The following NAV2 variants were observed in gnomAD, a reference collection of about 807,000 sequenced individuals.
NAV2 encodes neuron navigator 2.
In NAV2, 54 loss-of-function variants were observed where a neutral mutation model predicts 223.2. The observed-to-expected ratio is 0.24, with a 90% CI of 0.19 to 0.30. NAV2 has a LOEUF of 0.30. Among genes scored for constraint, NAV2 ranks in the 10% least tolerant of loss-of-function variants. NAV2 has a pLI of 1.00. For synonymous variants in NAV2, 1,279 were observed against 1,239.3 expected, an observed-to-expected ratio of 1.03 and a Z score of -0.67; for missense variants, 2,806 against 3,147.5, an observed-to-expected ratio of 0.89 and a Z score of 2.60.
chr11:19,503,855 G>T (rs2043036568), intron 1 of NAV2: 1 of 152,170 alleles, frequency 6.6e-6, no homozygotes, highest in South Asian at 2.1e-4. Flanking sequence ...CTCTGTGAAA[G>T]ACACTGTCAA....
intron 26 of NAV2, among the ~76,000 whole-genome samples, chr11:20,086,488 C>T (rs1329021464): frequency 6.6e-6 from 1 of 152,234 alleles, no homozygotes; most frequent in Non-Finnish European, 1.5e-5. Context: ...CCCATGGTCC[C>T]TTTGCCCCTG....
intron 1 of NAV2, among the ~76,000 whole-genome samples, chr11:19,445,916 C>G (rs181733192): frequency 5.3e-5 from 8 of 152,078 alleles, no homozygotes; most frequent in Non-Finnish European, 1.0e-4. Context: ...GTGAGAAATA[C>G]TGAGGCAGAA....
Position 20,044,246 on chromosome 11 carries a change from C to A in NAV2, c.3173C>A (p.Ala1058Glu). 6.2e-7 allele frequency: 1 copy of A among 1,612,226 alleles called. No individual in the cohort carries two copies. The highest frequency in any genetic ancestry group is 8.5e-7 in the Non-Finnish European group (1 of 1,178,496). Residue 1058 changes from alanine (A) to glutamate (E), a missense_variant, in exon 13 of 38, where the codon GCA becomes GAA. By Grantham distance (107) the Ala-to-Glu change is moderately radical (BLOSUM62 -1). This residue lies in a region of NAV2 where 742 missense variants were observed against 777.9 expected (regional missense o/e 0.95). Transcript: ENST00000349880. ...TMPRTKPSAPAGALKTPGTGK... is the reference protein window; with the variant it reads ...TMPRTKPSAPEGALKTPGTGK... ...CCAAGGACGAAGCCTTCAGCCCCGG[C>A]AGGCGCACTGAAGACCCCAGGAACT...
At chr11:20,017,032 A>G (rs1183842648) in intron 11 of NAV2, among the ~76,000 whole-genome samples, 3 of 151,724 alleles carry the variant, frequency 2.0e-5, no homozygotes, top group Non-Finnish European at 4.4e-5. Flanking sequence ...AAAATAAAAT[A>G]AAAGAAAAAG....
rs1030488573 is a variant in NAV2 at position 20,107,590 on chromosome 11, G to A, written c.6842-74G>A. On this transcript the variant is annotated intron_variant, in intron 35 of 37. Coordinates refer to ENST00000349880, the MANE Select transcript of NAV2 (RefSeq NM_145117.5). ...AGGGTCCCTCCTGTGAAGGGTGCTC[G>A]GACCATGGCTTCACCTGATGCCCCA... is the stretch of plus-strand genomic sequence containing the variant. The A allele has an allele frequency of 1.9e-5, 23 of 1,213,256 alleles. 1 individual carries two copies. Among genetic ancestry groups the A allele is most frequent in the Admixed American group, 8.7e-5 (5 of 57,530 alleles). The allele number at this position is 1,213,256 out of a possible 1,614,324, so 75.2% of individuals were successfully genotyped here. A position where few individuals can be genotyped will look rare whatever the true frequency, so the allele number is the denominator to read the frequency against.
chr11:19,756,687 G>C (rs1422854593), intron 1 of NAV2, among the ~76,000 whole-genome samples: 1 of 152,182 alleles, frequency 6.6e-6, no homozygotes, highest in Non-Finnish European at 1.5e-5. Flanking sequence ...CCTCTGTTGT[G>C]CCTTGGACTA....
At chr11:19,554,764 C>T (rs994008025) in intron 1 of NAV2, among the ~76,000 whole-genome samples, 5 of 151,930 alleles carry the variant, frequency 3.3e-5, no homozygotes, top group East Asian at 1.9e-4. Flanking sequence ...GTCGGGAGTT[C>T]GAGACCAGCC....
intron 1 of NAV2, among the ~76,000 whole-genome samples, chr11:19,538,634 G>A (rs1456070971): frequency 1.3e-5 from 2 of 151,708 alleles, no homozygotes; most frequent in African/African-American, 2.4e-5. Context: ...GATTACAGGC[G>A]TTAGCTGCCA....
intron 1 of NAV2, among the ~76,000 whole-genome samples, chr11:19,480,005 A>G (rs1303285475): frequency 1.3e-5 from 2 of 152,194 alleles, no homozygotes; most frequent in African/African-American, 4.8e-5. Flanking sequence ...ACTCCCTTTC[A>G]TATACATATT....
chr11:20,094,593 A>G (rs374203577), intron 29 of NAV2, among the ~76,000 whole-genome samples: 28 of 152,304 alleles, frequency 1.8e-4, no homozygotes, highest in African/African-American at 5.8e-4. Flanking sequence ...GTGATTGTCA[A>G]TATGAACACA....
intron 1 of NAV2, among the ~76,000 whole-genome samples, chr11:19,638,327 C>A (rs2047562239): frequency 6.6e-6 from 1 of 152,190 alleles, no homozygotes; most frequent in Non-Finnish European, 1.5e-5. Context: ...ACCTTTATAA[C>A]CATGCTTCCC....
rs576985644 is a variant in NAV2, at chr11:19,802,081, A to G, written c.268-30403A>G. Among the ~76,000 whole-genome samples the G allele has an allele frequency of 4.6e-5, 7 of 152,286 alleles. No individual in the cohort carries two copies. The East Asian group carries it at 1.4e-3, about 29-fold the overall frequency. On this transcript the variant is annotated intron_variant, in intron 1 of 37. Coordinates refer to ENST00000349880, the MANE Select transcript of NAV2 (RefSeq NM_145117.5). ...CTTTTATGATATTATGACTCGTGAA[A>G]GAGACACTATGCCACCTTTTATCTC...
At chr11:19,911,227 A>G (rs915676380) in intron 6 of NAV2, among the ~76,000 whole-genome samples, 1 of 152,138 alleles carries the variant, frequency 6.6e-6, no homozygotes, top group African/African-American at 2.4e-5. Flanking sequence ...ATATCCTGTG[A>G]TAAGTGTCTA....
intron 1 of NAV2, among the ~76,000 whole-genome samples, chr11:19,487,413 C>T (rs1027255023): frequency 1.3e-5 from 2 of 152,154 alleles, no homozygotes; most frequent in Non-Finnish European, 2.9e-5. Context: ...TCGGGTAATC[C>T]TCTCCCCTAT....
intron 1 of NAV2, among the ~76,000 whole-genome samples, chr11:19,804,313 A>G (rs1437788894): frequency 6.6e-6 from 1 of 152,254 alleles, no homozygotes; most frequent in Non-Finnish European, 1.5e-5. Flanking sequence ...TTTGTAAGCT[A>G]TCCCTCTCAC....
At chr11:19,419,334 T>A (rs921358619) in intron 1 of NAV2, among the ~76,000 whole-genome samples, 1 of 152,240 alleles carries the variant, frequency 6.6e-6, no homozygotes, top group Non-Finnish European at 1.5e-5. Flanking sequence ...AAATCCATCA[T>A]GAGCCAATTA....
intron 10 of NAV2, among the ~76,000 whole-genome samples, chr11:19,955,600 G>A (rs1288499088): frequency 6.6e-6 from 1 of 152,162 alleles, no homozygotes; most frequent in Non-Finnish European, 1.5e-5. Flanking sequence ...AGAGAACTAG[G>A]GGCATTTGCC....
chr11:19,528,928 C>CAAAAAA (rs528321807), intron 1 of NAV2, among the ~76,000 whole-genome samples: 4 of 82,366 alleles, frequency 4.9e-5, no homozygotes, highest in Non-Finnish European at 9.5e-5. Context: ...GACTCCATCT[C>CAAAAAA]AAAAAAAAAA....
At chr11:19,997,851 C>T (rs974717872) in intron 11 of NAV2, among the ~76,000 whole-genome samples, 14 of 152,240 alleles carry the variant, frequency 9.2e-5, no homozygotes, top group Middle Eastern at 3.4e-3. Context: ...CAGGGAATCC[C>T]GACTCATGGT....
Sources: allele counts gnomAD v4.1 joint callset (sites outside exome capture counted in the v4.1 genomes callset), GRCh38; gene constraint gnomAD v4.1.1; regional missense constraint gnomAD v4.1.1; transcripts MANE v1.5; gene names NCBI Gene and HGNC (gene_info 2026-07-23, HGNC 2026-07-21).